The following EFCAB13 variants were observed in gnomAD, a reference collection of about 807,000 sequenced individuals.
EFCAB13 encodes EF-hand calcium-binding domain-containing protein 13.
EFCAB13 carries 91 observed loss-of-function variants against 110.2 expected under a neutral mutation model. The observed-to-expected ratio is 0.83, with a 90% CI of 0.70 to 0.98. The LOEUF is 0.98. EFCAB13 is among the 50% of genes least tolerant of loss of function. The pLI is 0.00. For synonymous variants in EFCAB13, 323 were observed against 369.9 expected (o/e 0.87, Z 1.45); for missense variants, 968 against 1,119.4 (o/e 0.86, Z 1.93).
chr17:47,434,968 C>G (rs571204112), intron 24 of EFCAB13, among the ~76,000 whole-genome samples: 2 of 152,264 alleles, frequency 1.3e-5, no homozygotes, highest in South Asian at 4.1e-4. Context: ...CTCTTCTAGA[C>G]ATTGGCTTAG....
At chr17:47,327,420 C>T (rs2065292738) in intron 3 of EFCAB13, among the ~76,000 whole-genome samples, 1 of 152,008 alleles carries the variant, frequency 6.6e-6, no homozygotes, top group African/African-American at 2.4e-5. Flanking sequence ...GCCTTGGCCT[C>T]TCAAAGTGCT....
At chr17:47,375,215 A>G (rs1371777540) in intron 12 of EFCAB13, among the ~76,000 whole-genome samples, 1 of 152,112 alleles carries the variant, frequency 6.6e-6, no homozygotes, top group Non-Finnish European at 1.5e-5. Flanking sequence ...CACCATGCCT[A>G]TGCAAAAATT....
chr17:47,373,112 C>A (rs190467861), intron 11 of EFCAB13, among the ~76,000 whole-genome samples: 1 of 151,744 alleles, frequency 6.6e-6, no homozygotes, highest in Non-Finnish European at 1.5e-5. Context: ...ATTTTTCATT[C>A]TTTTTATTTT....
At chr17:47,362,717 A>G (rs2143322916) in intron 10 of EFCAB13, among the ~76,000 whole-genome samples, 1 of 152,278 alleles carries the variant, frequency 6.6e-6, no homozygotes, top group East Asian at 1.9e-4. Flanking sequence ...CAAATTAGTG[A>G]AAGTACTAAA....
intron 10 of EFCAB13, among the ~76,000 whole-genome samples, chr17:47,369,254 A>T (rs1324166682): frequency 6.6e-6 from 1 of 152,172 alleles, no homozygotes; most frequent in Non-Finnish European, 1.5e-5. Context: ...GCTACTGCAA[A>T]CTTCCCAAGA....
intron 14 of EFCAB13, among the ~76,000 whole-genome samples, chr17:47,386,893 G>A (rs1244682844): frequency 1.9e-4 from 19 of 102,264 alleles, no homozygotes; most frequent in African/African-American, 5.2e-4. Context: ...CCCCCTCCCC[G>A]CCGCCGCCTG....
intron 9 of EFCAB13, among the ~76,000 whole-genome samples, chr17:47,357,624 AG>A (rs2065488433): frequency 6.6e-6 from 1 of 152,228 alleles, no homozygotes; most frequent in Admixed American, 6.5e-5. Flanking sequence ...CATGTTGGCC[AG>A]GCTGGTCTCG....
rs112134923 is a variant in EFCAB13 at position 47,370,746 on chromosome 17, T to G, written c.877+238T>G. ...TGTTGTTGTTGTTGTTTGTTTTTTTTTTTTTTTTTTTTGAGGCGGAGTTTT... is the reference window on the plus strand; with the variant it reads ...TGTTGTTGTTGTTGTTTGTTTTTTTGTTTTTTTTTTTTGAGGCGGAGTTTT... On this transcript the variant is annotated intron_variant, in intron 11 of 24. Transcript: ENST00000331493. 3.1e-3 allele frequency among the ~76,000 whole-genome samples: 461 copies of G among 148,208 alleles called. 5 individuals carry two copies. Among genetic ancestry groups the G allele is most frequent in the African/African-American group, 0.011 (430 of 39,810 alleles).
chr17:47,353,387 C>T (rs934831184), intron 9 of EFCAB13, among the ~76,000 whole-genome samples: 6 of 151,844 alleles, frequency 4.0e-5, no homozygotes, highest in East Asian at 3.9e-4. Context: ...CTCTGCCTCC[C>T]GGGTTCAAGG....
At chr17:47,349,635 G>A (rs1386075743) in intron 9 of EFCAB13, among the ~76,000 whole-genome samples, 1 of 150,684 alleles carries the variant, frequency 6.6e-6, no homozygotes, top group African/African-American at 2.4e-5. Flanking sequence ...TTTATCTTAT[G>A]TTCTTAGTGA....
At position 47,395,952 on chromosome 17, in the gene EFCAB13, T is replaced by A; in HGVS notation, c.1920T>A (p.Ala640=). ...NSNLKKDEFL[A]ALELVTVDEG... is the part of the protein sequence containing the mutation. ...ATTTAAAAAAGGATGAATTTCTAGC[T>A]GCATTGGAACTAGTGACAGTTGATG... The change falls in exon 17 of 25, where the codon GCT becomes GCA. Residue 640 remains alanine, a synonymous_variant. Transcript: ENST00000331493. 1 of 1,608,850 alleles carries A rather than the reference T, an allele frequency of 6.2e-7. No homozygotes were observed. Among genetic ancestry groups the A allele is most frequent in the Non-Finnish European group, 8.5e-7 (1 of 1,176,564 alleles).
chr17:47,392,510 A>T (rs2065713598), intron 15 of EFCAB13, among the ~76,000 whole-genome samples: 1 of 152,098 alleles, frequency 6.6e-6, no homozygotes, highest in Non-Finnish European at 1.5e-5. Flanking sequence ...TCTCCTTATA[A>T]AGCCGTAGTG....
chr17:47,356,288 A>G (rs2065480057), intron 9 of EFCAB13, among the ~76,000 whole-genome samples: 1 of 152,118 alleles, frequency 6.6e-6, no homozygotes, highest in Non-Finnish European at 1.5e-5. Context: ...TATTACCAGA[A>G]TTGTTTTTCT....
At chr17:47,353,479 A>G (rs2065464439) in intron 9 of EFCAB13, among the ~76,000 whole-genome samples, 1 of 151,940 alleles carries the variant, frequency 6.6e-6, no homozygotes, top group Non-Finnish European at 1.5e-5. Flanking sequence ...TATTTTTAGT[A>G]GAGATGGGGT....
At chr17:47,379,736 G>T (rs9807106) in intron 14 of EFCAB13, among the ~76,000 whole-genome samples, 97,047 of 151,860 alleles carry the variant, frequency 0.64, 31,477 homozygotes, top group African/African-American at 0.73. Context: ...ATACGCTTTT[G>T]TTGCTTGCAA....
chr17:47,395,520 A>G (rs1278300836), intron 16 of EFCAB13, among the ~76,000 whole-genome samples: 2 of 152,178 alleles, frequency 1.3e-5, no homozygotes, highest in Non-Finnish European at 2.9e-5. Context: ...ACTTAATTGT[A>G]TTATCAATTG....
intron 23 of EFCAB13, among the ~76,000 whole-genome samples, chr17:47,427,828 T>C (rs4386181): frequency 0.02 from 3,070 of 152,136 alleles, 113 homozygotes; most frequent in African/African-American, 0.07. Context: ...AAAAAACATA[T>C]GTTTTCCTAT....
rs978096983 is a variant in EFCAB13 at position 47,440,875 on chromosome 17, T to A, written c.*161T>A. On this transcript the variant is annotated 3_prime_UTR_variant, in exon 25 of 25. Coordinates refer to ENST00000331493, the MANE Select transcript of EFCAB13 (RefSeq NM_152347.5). ...TGTTCTCATGTATCTTCAGCGACTC[T>A]CTTGATCACACTTTTTAAACATTCA... The A allele has an allele frequency of 3.7e-6, 2 of 540,370 alleles. No homozygotes were observed. The highest frequency in any genetic ancestry group is 6.2e-6 in the Non-Finnish European group (2 of 323,452). 33.5% of individuals were successfully genotyped at this position (540,370 alleles called of 1,614,324 possible).
chr17:47,416,826 G>T (rs1035164514), intron 23 of EFCAB13, among the ~76,000 whole-genome samples: 6 of 152,162 alleles, frequency 3.9e-5, no homozygotes, highest in African/African-American at 1.2e-4. Flanking sequence ...GGGGTTAGGG[G>T]CACCTTCTAG....
Sources: allele counts gnomAD v4.1 joint callset (sites outside exome capture counted in the v4.1 genomes callset), GRCh38; gene constraint gnomAD v4.1.1; transcripts MANE v1.5; gene names NCBI Gene and HGNC (gene_info 2026-07-23, HGNC 2026-07-21).